The following SUPT3H variants were observed in gnomAD, a reference collection of about 807,000 sequenced individuals.
SUPT3H encodes the protein SPT3 homolog, SAGA and STAGA complex component.
Under a neutral mutation model 44.3 loss-of-function variants are expected in SUPT3H, and 44 were observed. The ratio of observed to expected loss-of-function variants is 0.99; its 90% confidence interval spans 0.78 to 1.28. The LOEUF (loss-of-function observed/expected upper bound fraction) is 1.28. SUPT3H is among the 50% of genes most tolerant of loss of function. The pLI is 0.00. For missense variants in SUPT3H, 380 were observed against 387.1 expected (o/e 0.98, Z 0.15); for synonymous variants, 124 against 125.6 (o/e 0.99, Z 0.09).
chr6:45,177,384 A>G (rs1019301609), intron 2 of SUPT3H, among the ~76,000 whole-genome samples: 14 of 152,200 alleles, frequency 9.2e-5, no homozygotes, highest in African/African-American at 3.4e-4. Context: ...GAATAAAAAG[A>G]AACGAGTAAA....
intron 2 of SUPT3H, among the ~76,000 whole-genome samples, chr6:45,128,522 AAAAAAAAAAAAATATATATATAT>A (rs1583700625): frequency 1.7e-5 from 1 of 59,970 alleles, no homozygotes; most frequent in East Asian, 3.4e-4. Context: ...AAAAAAAAAA[AAAAAAAAAAAAATATATATATAT>A]ATATATATAT....
At chr6:44,911,104 T>C (rs1267599174) in intron 10 of SUPT3H, among the ~76,000 whole-genome samples, 4 of 151,908 alleles carry the variant, frequency 2.6e-5, no homozygotes, top group Non-Finnish European at 4.4e-5. Flanking sequence ...GCTAACACTA[T>C]TGGTAAGCTT....
At chr6:44,925,087 T>G (rs1302951911) in intron 10 of SUPT3H, among the ~76,000 whole-genome samples, 2 of 152,186 alleles carry the variant, frequency 1.3e-5, no homozygotes, top group Non-Finnish European at 2.9e-5. Context: ...TTTAAAAATT[T>G]TTCATATTTT....
chr6:45,085,976 T>C (rs1288635530), intron 3 of SUPT3H, among the ~76,000 whole-genome samples: 2 of 152,090 alleles, frequency 1.3e-5, no homozygotes, highest in African/African-American at 4.8e-5. Context: ...TTTAAAATGT[T>C]TGATCTTTAG....
intron 5 of SUPT3H, among the ~76,000 whole-genome samples, chr6:45,012,218 A>G (rs1246049864): frequency 6.7e-6 from 1 of 150,290 alleles, no homozygotes; most frequent in African/African-American, 2.4e-5. Context: ...CAAATTTGGG[A>G]GGTTTTCAGT....
chr6:44,910,632 G>A (rs1766864243), intron 10 of SUPT3H, among the ~76,000 whole-genome samples: 1 of 151,638 alleles, frequency 6.6e-6, no homozygotes. Flanking sequence ...TCATAATTAG[G>A]CAAATATTTT....
intron 10 of SUPT3H, among the ~76,000 whole-genome samples, chr6:44,886,914 T>C (rs1582228914): frequency 6.6e-6 from 1 of 152,014 alleles, no homozygotes; most frequent in African/African-American, 2.4e-5. Flanking sequence ...AATAAAAGGA[T>C]GGAGGAAGAT....
chr6:45,068,337 T>A (rs1276714603), intron 3 of SUPT3H, among the ~76,000 whole-genome samples: 4 of 121,546 alleles, frequency 3.3e-5, no homozygotes, highest in Non-Finnish European at 6.9e-5. Context: ...GGGGGAGGGA[T>A]AGCATTGGGA....
At position 44,925,364 on chromosome 6, in the gene SUPT3H, C is replaced by T. The variant is rs529244336; in HGVS notation, c.912+7289G>A. Among the ~76,000 whole-genome samples the T allele has an allele frequency of 5.4e-4, 82 of 152,252 alleles. No individual in the cohort carries two copies. In the South Asian group the frequency reaches 0.016, roughly 30 times the overall value. On this transcript the variant is annotated intron_variant, in intron 10 of 10. Transcript: ENST00000371459. The stretch of plus-strand genomic sequence containing the variant: ...CTACAGATGCACTTAAGGTATTATT[C>T]AGGTTAATGACCATGCTTAAATGAG...
At chr6:44,864,305 G>T (rs766004914) in intron 10 of SUPT3H, among the ~76,000 whole-genome samples, 1 of 152,096 alleles carries the variant, frequency 6.6e-6, no homozygotes, top group Non-Finnish European at 1.5e-5. Flanking sequence ...AAAACAAAGG[G>T]GCTACTGGCC....
intron 10 of SUPT3H, among the ~76,000 whole-genome samples, chr6:44,879,546 T>C (rs1777866661): frequency 6.6e-6 from 1 of 152,178 alleles, no homozygotes; most frequent in African/African-American, 2.4e-5. Context: ...AAGAGAGCAG[T>C]GGATCTCCCA....
At position 45,365,204 on chromosome 6, in the gene SUPT3H, A is replaced by G. The variant is rs1794922950; in HGVS notation, c.98T>C (p.Met33Thr). The stretch of plus-strand genomic sequence containing the variant: ...TAGCATGCAGGGACATACTTACATC[A>G]TACTCTGTAATTCTGTTGCAAAGCT... Reference protein sequence around the residue: ...SISFATELQSMMYSLGDARRP... With the variant: ...SISFATELQSTMYSLGDARRP... The change falls in exon 2 of 11, where the codon ATG becomes ACG. Residue 33 changes from methionine (M) to threonine (T), a missense_variant. Met to Thr is a moderately conservative substitution (Grantham distance 81). Transcript: ENST00000371459. 1 of 1,597,998 alleles carries G rather than the reference A, an allele frequency of 6.3e-7. No individual in the cohort carries two copies. The highest frequency in any genetic ancestry group is 1.3e-5 in the African/African-American group (1 of 74,532).
Position 44,829,716 on chromosome 6 carries a change from G to T in SUPT3H, c.*100C>A. 7.1e-7 allele frequency: 1 copy of T among 1,400,344 alleles called. No individual in the cohort carries two copies. The highest frequency in any genetic ancestry group is 1.0e-6 in the Non-Finnish European group (1 of 1,004,456). 86.7% of individuals were successfully genotyped at this position (1,400,344 alleles called of 1,614,324 possible). ...CACAACAGACCAGCCCACTCCCTCA[G>T]ATAAAAGAAAGGTAAATTTGTATTT... is the stretch of plus-strand genomic sequence containing the variant. On this transcript the variant is annotated 3_prime_UTR_variant, in exon 11 of 11. Coordinates refer to ENST00000371459, the MANE Select transcript of SUPT3H (RefSeq NM_003599.4).
At chr6:45,272,592 G>A (rs1776367309) in intron 2 of SUPT3H, among the ~76,000 whole-genome samples, 1 of 152,172 alleles carries the variant, frequency 6.6e-6, no homozygotes, top group South Asian at 2.1e-4. Flanking sequence ...GACAGTTTAA[G>A]ATTAGTAAAG....
At chr6:45,236,059 C>T (rs1328358957) in intron 2 of SUPT3H, among the ~76,000 whole-genome samples, 2 of 152,142 alleles carry the variant, frequency 1.3e-5, no homozygotes, top group Non-Finnish European at 2.9e-5. Flanking sequence ...TCTATAGAAA[C>T]AATGTTTATC....
At chr6:45,099,676 G>T (rs1798277596) in intron 3 of SUPT3H, among the ~76,000 whole-genome samples, 2 of 151,944 alleles carry the variant, frequency 1.3e-5, no homozygotes, top group Non-Finnish European at 2.9e-5. Context: ...TCTTTGTATC[G>T]CTATAACCAG....
intron 10 of SUPT3H, among the ~76,000 whole-genome samples, chr6:44,906,073 T>G (rs1766010214): frequency 6.6e-6 from 1 of 152,136 alleles, no homozygotes. Flanking sequence ...TACCTAATGT[T>G]AAATGATGAG....
intron 2 of SUPT3H, among the ~76,000 whole-genome samples, chr6:45,175,746 T>C (rs890972510): frequency 2.0e-5 from 3 of 152,188 alleles, no homozygotes; most frequent in African/African-American, 7.2e-5. Context: ...CTACGTATTA[T>C]GGAACCCAAA....
rs545459905 is a variant in SUPT3H at position 45,043,768 on chromosome 6, T to C, written c.187-23136A>G. 5.8e-4 allele frequency among the ~76,000 whole-genome samples: 89 copies of C among 152,312 alleles called. No homozygotes were observed. The Middle Eastern group carries it at 0.01, about 17-fold the overall frequency. ...ATTATAGCTATGCACCATTACTATT[T>C]GATGAAACCACATTAATTCAGCTTT... On this transcript the variant is annotated intron_variant, in intron 3 of 10. Coordinates refer to ENST00000371459, the MANE Select transcript of SUPT3H (RefSeq NM_003599.4).
Sources: allele counts gnomAD v4.1 joint callset (sites outside exome capture counted in the v4.1 genomes callset), GRCh38; gene constraint gnomAD v4.1.1; transcripts MANE v1.5; gene names NCBI Gene and HGNC (gene_info 2026-07-23, HGNC 2026-07-21).